Variants in CERKL observed in about 807,000 individuals in gnomAD.
CERKL encodes the protein ceramide kinase-like protein.
CERKL carries 61 observed loss-of-function variants against 63.4 expected under a neutral mutation model. That is an observed-to-expected ratio of 0.96 (90% CI 0.78 to 1.19). The LOEUF (loss-of-function observed/expected upper bound fraction) is 1.19. Ranked by LOEUF, CERKL falls within the 50% of genes most tolerant of loss-of-function variation. CERKL has a pLI of 0.00. For missense variants in CERKL, 675 were observed against 655.5 expected (o/e 1.03, Z -0.33); for synonymous variants, 250 against 230.5 (o/e 1.08, Z -0.77).
At chr2:181,544,875 T>C in intron 10 of CERKL, 79 bp from the exon 11 acceptor site, 2 of 788,896 alleles carry the variant, frequency 2.5e-6, no homozygotes, top group Non-Finnish European at 4.3e-6. Context: ...CTGTTCCTTA[T>C]AACAAGTATA....
intron 1 of CERKL, among the ~76,000 whole-genome samples, chr2:181,635,596 C>T (rs1337992508): frequency 6.6e-6 from 1 of 152,016 alleles, no homozygotes; most frequent in Non-Finnish European, 1.5e-5. Flanking sequence ...ATAAGGAAAC[C>T]AATACATGCT....
intron 1 of CERKL, among the ~76,000 whole-genome samples, chr2:181,619,393 T>C (rs1433398488): frequency 6.6e-6 from 1 of 152,024 alleles, no homozygotes; most frequent in Non-Finnish European, 1.5e-5. Context: ...ATATATATCA[T>C]ACCAGATGAT....
At chr2:181,639,611 C>A (rs1687334414) in intron 1 of CERKL, among the ~76,000 whole-genome samples, 1 of 152,108 alleles carries the variant, frequency 6.6e-6, no homozygotes, top group African/African-American at 2.4e-5. Context: ...TGGTTCAGAC[C>A]ATGATGCTTT....
chr2:181,612,267 T>C (rs1686000392), intron 1 of CERKL, among the ~76,000 whole-genome samples: 1 of 152,200 alleles, frequency 6.6e-6, no homozygotes, highest in South Asian at 2.1e-4. Flanking sequence ...ATCTGTTTTG[T>C]TTTTTATTAA....
chr2:181,539,858 C>A (rs115576218), intron 11 of CERKL, among the ~76,000 whole-genome samples: 9 of 152,090 alleles, frequency 5.9e-5, no homozygotes, highest in Non-Finnish European at 1.0e-4. Flanking sequence ...CTTCAACTTG[C>A]GTTTTTTCTT....
chr2:181,615,199 C>T (rs562249337), intron 1 of CERKL, among the ~76,000 whole-genome samples: 1 of 152,212 alleles, frequency 6.6e-6, no homozygotes, highest in East Asian at 1.9e-4. Flanking sequence ...GAAAAGTCAA[C>T]TTAATTACAG....
Position 181,537,135 on chromosome 2 carries a change from G to C in CERKL, c.*1049C>G. The C allele has an allele frequency of 2.2e-6, 1 of 453,460 alleles. No individual in the cohort carries two copies. Among genetic ancestry groups the C allele is most frequent in the Non-Finnish European group, 4.4e-6 (1 of 226,584 alleles). The allele number at this position is 453,460 out of a possible 1,614,324, so 28.1% of individuals were successfully genotyped here. A position where few individuals can be genotyped will look rare whatever the true frequency, so the allele number is the denominator to read the frequency against. On this transcript the variant is annotated 3_prime_UTR_variant, in exon 13 of 13. Coordinates refer to ENST00000410087, the MANE Select transcript of CERKL (RefSeq NM_201548.5). Reference sequence around the variant, plus strand: ...CATTTATGTATTTTTAAAAAACTTTGTATCGTTATAAAAAGGCTAGTCATT... The same window carrying C: ...CATTTATGTATTTTTAAAAAACTTTCTATCGTTATAAAAAGGCTAGTCATT...
rs1167490476 is a variant in CERKL at position 181,537,413 on chromosome 2, T to TGTTA, written c.*767_*770dup. The TGTTA allele has an allele frequency of 2.2e-6, 1 of 453,872 alleles. No individual in the cohort carries two copies. Among genetic ancestry groups the TGTTA allele is most frequent in the East Asian group, 6.9e-5 (1 of 14,392 alleles). The allele number at this position is 453,872 out of a possible 1,614,324, so 28.1% of individuals were successfully genotyped here. A position where few individuals can be genotyped will look rare whatever the true frequency, so the allele number is the denominator to read the frequency against. On this transcript the variant is annotated 3_prime_UTR_variant, in exon 13 of 13. Transcript: ENST00000410087. ...ATTTTGCCCAGTTCAAAATAGTATTTGTTATCAACTTACTTTGTTACTTGT... is the reference window on the plus strand; with the variant it reads ...ATTTTGCCCAGTTCAAAATAGTATTTGTTAGTTATCAACTTACTTTGTTACTTGT...
At chr2:181,637,745 T>C (rs187315083) in intron 1 of CERKL, among the ~76,000 whole-genome samples, 3 of 152,224 alleles carry the variant, frequency 2.0e-5, no homozygotes, top group Non-Finnish European at 2.9e-5. Flanking sequence ...CACGTAATTA[T>C]AAAATTGATT....
At chr2:181,643,848 GA>G (rs1687553722) in intron 1 of CERKL, among the ~76,000 whole-genome samples, 1 of 152,074 alleles carries the variant, frequency 6.6e-6, no homozygotes, top group African/African-American at 2.4e-5. Flanking sequence ...TCCTTTACGG[GA>G]AATAATGACA....
At chr2:181,563,844 A>G (rs1173253201) in intron 4 of CERKL, among the ~76,000 whole-genome samples, 2 of 152,128 alleles carry the variant, frequency 1.3e-5, no homozygotes, top group African/African-American at 4.8e-5. Context: ...GTTTATTAAG[A>G]TAATTACTCC....
chr2:181,631,141 T>C (rs1010380218), intron 1 of CERKL, among the ~76,000 whole-genome samples: 5 of 152,338 alleles, frequency 3.3e-5, no homozygotes, highest in Non-Finnish European at 2.9e-5. Flanking sequence ...GAAAGCACCA[T>C]TTACAAGAAT....
intron 11 of CERKL, among the ~76,000 whole-genome samples, chr2:181,542,936 G>A (rs953383074): frequency 6.6e-6 from 1 of 152,096 alleles, no homozygotes; most frequent in African/African-American, 2.4e-5. Context: ...TACAAAAATT[G>A]CCTGAGAGAC....
intron 8 of CERKL, 34 bp from the exon 9 acceptor site, chr2:181,547,881 C>A (rs753753048): frequency 1.3e-6 from 2 of 1,524,866 alleles, no homozygotes; most frequent in African/African-American, 3.3e-5. Context: ...AGACATAAAA[C>A]AGATAACGCG....
At chr2:181,551,483 AT>A (rs1687985134) in intron 5 of CERKL, among the ~76,000 whole-genome samples, 1 of 152,188 alleles carries the variant, frequency 6.6e-6, no homozygotes, top group African/African-American at 2.4e-5. Context: ...AAAAAATTCC[AT>A]CAAAAAGTGG....
Position 181,544,714 on chromosome 2 carries a change from T to C in CERKL, c.1351A>G (p.Ser451Gly). Reference protein sequence around the residue: ...EFIKHLKRYASVKNQFNFPFV... With the variant: ...EFIKHLKRYAGVKNQFNFPFV... ...ATTTACTATACCTGATTTTTTACAC[T>C]GGCATATCTTTTCAGGTGTTTTATA... The change falls in exon 11 of 13, where the codon AGT becomes GGT. Residue 451 changes from serine to glycine, a missense_variant. Coordinates refer to ENST00000410087, the MANE Select transcript of CERKL (RefSeq NM_201548.5). 6.3e-7 allele frequency: 1 copy of C among 1,598,412 alleles called. No homozygotes were observed. The highest frequency in any genetic ancestry group is 1.1e-5 in the South Asian group (1 of 89,438).
Position 181,572,584 on chromosome 2 carries a change from A to G in CERKL, c.613+1169T>C, listed in dbSNP as rs569233001. On this transcript the variant is annotated intron_variant, in intron 3 of 12. Transcript: ENST00000410087. Reference sequence around the variant, plus strand: ...TCTTTGGAAATCTTCAGTAGAAAGAAAACATAAATCTGAATTTTCTCTTTT... The same window carrying G: ...TCTTTGGAAATCTTCAGTAGAAAGAGAACATAAATCTGAATTTTCTCTTTT... Among the ~76,000 whole-genome samples the G allele has an allele frequency of 2.6e-4, 39 of 152,310 alleles. No individual in the cohort carries two copies. The Middle Eastern group carries it at 0.01, about 40-fold the overall frequency.
intron 9 of CERKL, 25 bp downstream of exon 9, chr2:181,547,797 C>T (rs866139873): frequency 6.2e-7 from 1 of 1,613,988 alleles, no homozygotes; most frequent in East Asian, 2.2e-5. Flanking sequence ...TGGCACAGTT[C>T]TCAAGGAGAT....
chr2:181,637,454 G>A (rs773908933), intron 1 of CERKL, among the ~76,000 whole-genome samples: 3 of 152,200 alleles, frequency 2.0e-5, no homozygotes, highest in African/African-American at 7.2e-5. Context: ...AAGCGCTACA[G>A]AGTGAACTTC....
Sources: allele counts gnomAD v4.1 joint callset (sites outside exome capture counted in the v4.1 genomes callset), GRCh38; gene constraint gnomAD v4.1.1; transcripts MANE v1.5; gene names NCBI Gene and HGNC (gene_info 2026-07-23, HGNC 2026-07-21).